Variants in PDE1A observed in about 807,000 individuals in gnomAD.
PDE1A encodes dual specificity calcium/calmodulin-dependent 3',5'-cyclic nucleotide phosphodiesterase 1A.
A neutral mutation model predicts 61.7 loss-of-function variants in PDE1A; 35 were observed. That is an observed-to-expected ratio of 0.57 (90% confidence interval 0.43 to 0.75). The LOEUF (loss-of-function observed/expected upper bound fraction) is 0.75. Among genes scored for constraint, PDE1A ranks in the 30% least tolerant of loss-of-function variants. The pLI, the probability that PDE1A is intolerant of heterozygous loss-of-function variation, is 0.00. For synonymous variants in PDE1A, 232 were observed against 213.2 expected (o/e 1.09, Z -0.77); for missense variants, 597 against 630.6 (o/e 0.95, Z 0.57).
chr2:182,260,746 A>G (rs1311627231), intron 2 of PDE1A, among the ~76,000 whole-genome samples: 1 of 152,186 alleles, frequency 6.6e-6, no homozygotes, highest in Non-Finnish European at 1.5e-5. Context: ...GAGATGCCAC[A>G]CAATCAGTAC....
chr2:182,632,715 T>A, the PDE1A span, among the ~76,000 whole-genome samples: 4 of 152,170 alleles, frequency 2.6e-5, no homozygotes, highest in Non-Finnish European at 5.9e-5. Context: ...ATAGAATTGT[T>A]TATAAAAGTT....
intron 7 of PDE1A, among the ~76,000 whole-genome samples, chr2:182,211,591 A>G (rs190028306): frequency 6.6e-6 from 1 of 152,342 alleles, no homozygotes; most frequent in East Asian, 1.9e-4. Context: ...GATTATATCT[A>G]TAGATGAAGT....
chr2:182,498,750 C>T (rs1688882914), intron 2 of PDE1A, among the ~76,000 whole-genome samples: 1 of 151,840 alleles, frequency 6.6e-6, no homozygotes, highest in South Asian at 2.1e-4. Flanking sequence ...CGAGACCATC[C>T]TGGCTAACAC....
At chr2:182,643,154 T>C in the PDE1A span, among the ~76,000 whole-genome samples, 1 of 152,194 alleles carries the variant, frequency 6.6e-6, no homozygotes, top group African/African-American at 2.4e-5. Flanking sequence ...GGATCCTGAG[T>C]CCTGCTCAAT....
At chr2:182,481,053 A>T (rs1482885957) in intron 2 of PDE1A, among the ~76,000 whole-genome samples, 2 of 151,910 alleles carry the variant, frequency 1.3e-5, no homozygotes, top group Admixed American at 1.3e-4. Flanking sequence ...TTGCAGAGGG[A>T]TGTGAAGAGT....
the PDE1A span, among the ~76,000 whole-genome samples, chr2:182,613,021 A>G: frequency 6.6e-6 from 1 of 152,234 alleles, no homozygotes; most frequent in African/African-American, 2.4e-5. Flanking sequence ...TAAATGCACA[A>G]CTTTGTAGTT....
chr2:182,206,813 C>A (rs1023420297), intron 7 of PDE1A, among the ~76,000 whole-genome samples: 10 of 152,088 alleles, frequency 6.6e-5, no homozygotes, highest in African/African-American at 2.4e-4. Flanking sequence ...CTCATGAGAT[C>A]TGGTGGTTTA....
At chr2:182,233,056 A>G (rs574103977) in intron 4 of PDE1A, among the ~76,000 whole-genome samples, 50 of 152,270 alleles carry the variant, frequency 3.3e-4, no homozygotes, top group African/African-American at 1.1e-3. Flanking sequence ...ACTATACAAC[A>G]CTTTAGAAAA....
intron 1 of PDE1A, among the ~76,000 whole-genome samples, chr2:182,302,794 G>A (rs1695330368): frequency 6.7e-6 from 1 of 150,108 alleles, no homozygotes; most frequent in Admixed American, 6.6e-5. Context: ...TACCAACTAA[G>A]TTTTTTTTTT....
At chr2:182,712,642 C>T in the PDE1A span, among the ~76,000 whole-genome samples, 137 of 152,142 alleles carry the variant, frequency 9.0e-4, no homozygotes, top group African/African-American at 3.1e-3. Context: ...CTGCAAGCTC[C>T]GCCTCTCAGG....
the PDE1A span, chr2:182,715,930 G>A: frequency 6.6e-6 from 1 of 152,146 alleles, no homozygotes; most frequent in South Asian, 2.1e-4. Flanking sequence ...AAGACTCTCA[G>A]GGAACTCAAC....
chr2:182,539,828 C>G, the PDE1A span, among the ~76,000 whole-genome samples: 1 of 152,182 alleles, frequency 6.6e-6, no homozygotes, highest in Non-Finnish European at 1.5e-5. Flanking sequence ...GATTTGTTGA[C>G]TTCATTGTCA....
At chr2:182,328,476 G>A (rs1332943101) in intron 1 of PDE1A, among the ~76,000 whole-genome samples, 1 of 152,128 alleles carries the variant, frequency 6.6e-6, no homozygotes, top group Non-Finnish European at 1.5e-5. Flanking sequence ...AGAAATAAAG[G>A]TATAGTTCAG....
the PDE1A span, among the ~76,000 whole-genome samples, chr2:182,700,979 AT>A: frequency 6.6e-6 from 1 of 151,934 alleles, no homozygotes; most frequent in Non-Finnish European, 1.5e-5. Flanking sequence ...TTTAAAAAAA[AT>A]CTTTCCTGAA....
At chr2:182,193,487 G>C (rs1352942629) in intron 10 of PDE1A, among the ~76,000 whole-genome samples, 1 of 151,970 alleles carries the variant, frequency 6.6e-6, no homozygotes, top group Non-Finnish European at 1.5e-5. Context: ...TAAGGCTGAG[G>C]GTGAAATCTG....
intron 1 of PDE1A, among the ~76,000 whole-genome samples, chr2:182,376,687 C>G (rs1362002181): frequency 1.3e-5 from 2 of 152,112 alleles, no homozygotes; most frequent in Non-Finnish European, 2.9e-5. Flanking sequence ...TCTAATGGTA[C>G]CAATTTACTG....
chr2:182,598,596 C>T, the PDE1A span, among the ~76,000 whole-genome samples: 4 of 151,842 alleles, frequency 2.6e-5, no homozygotes, highest in Admixed American at 6.6e-5. Flanking sequence ...GGATCTTTGC[C>T]ATTAATTCTG....
chr2:182,269,170 CAAAT>C (rs1401801737), intron 1 of PDE1A, among the ~76,000 whole-genome samples: 2 of 151,902 alleles, frequency 1.3e-5, no homozygotes, highest in Admixed American at 1.3e-4. Context: ...CAAGAAGAAA[CAAAT>C]AAATGAAATT....
At chr2:182,626,094 G>A in the PDE1A span, among the ~76,000 whole-genome samples, 1 of 152,186 alleles carries the variant, frequency 6.6e-6, no homozygotes. Flanking sequence ...GAAATCTGCA[G>A]GGCTTCCACA....
Sources: gnomAD v4.1 joint callset for allele counts (sites outside exome capture counted in the v4.1 genomes callset) on GRCh38, gnomAD v4.1.1 for gene constraint, MANE v1.5 for transcripts, NCBI Gene and HGNC (gene_info 2026-07-23, HGNC 2026-07-21) for gene names.